PRKG1: variants seen among roughly 807,000 people sequenced by gnomAD.
The protein encoded by PRKG1 is protein kinase cGMP-dependent 1.
Under a neutral mutation model 88.1 loss-of-function variants are expected in PRKG1, and 35 were observed. That is an observed-to-expected ratio of 0.40 (90% CI 0.30 to 0.53). The LOEUF is 0.53. Ranked by LOEUF, PRKG1 falls within the 20% of genes least tolerant of loss-of-function variation. The pLI is 0.59. For synonymous variants in PRKG1, 303 were observed against 292.5 expected (o/e 1.04, Z -0.37); for missense variants, 540 against 839.8 (o/e 0.64, Z 4.41).
intron 10 of PRKG1, among the ~76,000 whole-genome samples, chr10:52,264,906 G>T (rs145279727): frequency 1.6e-4 from 25 of 152,108 alleles, no homozygotes; most frequent in African/African-American, 5.3e-4. Context: ...TAAAGTCAAG[G>T]TCATACTTTC....
chr10:51,837,346 T>C (rs556372896), intron 4 of PRKG1, among the ~76,000 whole-genome samples: 15 of 152,292 alleles, frequency 9.8e-5, no homozygotes, highest in African/African-American at 3.6e-4. Context: ...GCATACTTTA[T>C]TGGGCATTGA....
intron 5 of PRKG1, among the ~76,000 whole-genome samples, chr10:51,980,055 C>A (rs918803284): frequency 3.3e-5 from 5 of 151,938 alleles, no homozygotes; most frequent in African/African-American, 1.2e-4. Context: ...TTCTCTAGTT[C>A]TTCTAGTTGT....
intron 5 of PRKG1, among the ~76,000 whole-genome samples, chr10:51,971,288 A>G (rs758150599): frequency 8.4e-4 from 127 of 151,962 alleles, no homozygotes; most frequent in Middle Eastern, 6.3e-3. Context: ...ATAATTTTCC[A>G]CTTCTCTATG....
intron 9 of PRKG1, chr10:52,231,001 G>A (rs1840507541): frequency 6.6e-6 from 1 of 152,216 alleles, no homozygotes; most frequent in Admixed American, 6.5e-5. Flanking sequence ...AAATCTATGT[G>A]GTCATTAGAA....
intron 4 of PRKG1, among the ~76,000 whole-genome samples, chr10:51,819,612 A>G (rs962077303): frequency 1.3e-5 from 2 of 152,182 alleles, no homozygotes; most frequent in Non-Finnish European, 2.9e-5. Context: ...GCTGGGTTTG[A>G]TAAAATAAAT....
intron 3 of PRKG1, among the ~76,000 whole-genome samples, chr10:51,659,964 A>G (rs1188323529): frequency 1.3e-5 from 2 of 152,086 alleles, no homozygotes; most frequent in Non-Finnish European, 2.9e-5. Context: ...CTACTGAATC[A>G]GAATATACAT....
intron 5 of PRKG1, among the ~76,000 whole-genome samples, chr10:51,930,296 T>C (rs1290571707): frequency 6.6e-6 from 1 of 151,864 alleles, no homozygotes; most frequent in African/African-American, 2.4e-5. Flanking sequence ...ATGAAAAGAG[T>C]TATGGAGCTG....
intron 9 of PRKG1, among the ~76,000 whole-genome samples, chr10:52,200,481 C>G (rs1000957900): frequency 5.3e-5 from 8 of 152,116 alleles, no homozygotes; most frequent in Non-Finnish European, 1.2e-4. Context: ...TAGGTTGGTT[C>G]CATGTCTTTG....
chr10:52,280,729 T>A (rs1399476496), intron 12 of PRKG1, 60 bp from the exon 13 acceptor site: 1 of 1,536,236 alleles, frequency 6.5e-7, no homozygotes, highest in Non-Finnish European at 8.9e-7. Flanking sequence ...AAAAAAAAAA[T>A]AAAGCCATAT....
chr10:51,732,756 C>T (rs376819784), intron 3 of PRKG1, among the ~76,000 whole-genome samples: 5 of 151,976 alleles, frequency 3.3e-5, no homozygotes, highest in African/African-American at 7.3e-5. Context: ...TACCAAGCCA[C>T]GAAAATAATA....
At chr10:51,489,768 A>T (rs1398312841) in intron 3 of PRKG1, among the ~76,000 whole-genome samples, 1 of 152,060 alleles carries the variant, frequency 6.6e-6, no homozygotes. Flanking sequence ...ACAAAATTGG[A>T]TGATGCTTAA....
intron 8 of PRKG1, among the ~76,000 whole-genome samples, chr10:52,149,763 C>T (rs1049451223): frequency 6.7e-6 from 1 of 149,834 alleles, no homozygotes; most frequent in Non-Finnish European, 1.5e-5. Flanking sequence ...ATGGCAGCCT[C>T]AGGGGACTAA....
intron 12 of PRKG1, among the ~76,000 whole-genome samples, chr10:52,274,534 T>C (rs866534995): frequency 3.5e-4 from 53 of 149,968 alleles, no homozygotes; most frequent in East Asian, 7.8e-4. Context: ...TATATATATA[T>C]ACACACACAC....
intron 5 of PRKG1, among the ~76,000 whole-genome samples, chr10:51,988,926 T>TC (rs1281849952): frequency 1.3e-5 from 2 of 152,118 alleles, no homozygotes; most frequent in Non-Finnish European, 2.9e-5. Context: ...GCCTTTTTTT[T>TC]CTGTCTTGTT....
At chr10:52,270,255 C>T (rs2132430437) in intron 10 of PRKG1, among the ~76,000 whole-genome samples, 1 of 152,176 alleles carries the variant, frequency 6.6e-6, no homozygotes, top group East Asian at 1.9e-4. Context: ...AATAGGAACA[C>T]TTTTACACTG....
At chr10:51,487,072 T>C (rs1267810754) in intron 3 of PRKG1, among the ~76,000 whole-genome samples, 1 of 151,722 alleles carries the variant, frequency 6.6e-6, no homozygotes, top group East Asian at 1.9e-4. Flanking sequence ...CTTGACTTAG[T>C]AGGTTGAAAG....
At chr10:51,415,533 C>T (rs1467641418) in intron 2 of PRKG1, among the ~76,000 whole-genome samples, 8 of 152,076 alleles carry the variant, frequency 5.3e-5, no homozygotes, top group Non-Finnish European at 8.8e-5. Flanking sequence ...TATACATTCC[C>T]CTGAGGTGAA....
chr10:51,166,588 T>C (rs1017928829), intron 2 of PRKG1, among the ~76,000 whole-genome samples: 1 of 152,190 alleles, frequency 6.6e-6, no homozygotes. Context: ...TTAAGATGCC[T>C]TTTATGGAAA....
intron 2 of PRKG1, among the ~76,000 whole-genome samples, chr10:51,450,453 C>G (rs1007732910): frequency 1.3e-4 from 19 of 151,794 alleles, no homozygotes; most frequent in Non-Finnish European, 2.8e-4. Flanking sequence ...AACCGTACGG[C>G]CAGGGAGCCA....
Sources: allele counts gnomAD v4.1 joint callset (sites outside exome capture counted in the v4.1 genomes callset), GRCh38; gene constraint gnomAD v4.1.1; transcripts MANE v1.5; gene names NCBI Gene and HGNC (gene_info 2026-07-23, HGNC 2026-07-21).